RSPO2: variants seen among roughly 807,000 people sequenced by gnomAD.
The protein encoded by RSPO2 is R-spondin-2.
A neutral mutation model predicts 30.9 loss-of-function variants in RSPO2; 14 were observed. The observed-to-expected ratio is 0.45, with a 90% confidence interval of 0.30 to 0.71. The LOEUF (loss-of-function observed/expected upper bound fraction) is 0.71. RSPO2 is among the 30% of genes least tolerant of loss of function. The pLI is 0.08. For synonymous variants in RSPO2, 107 were observed against 96.4 expected (o/e 1.11, Z -0.64); for missense variants, 264 against 301.9 (o/e 0.87, Z 0.93).
intron 2 of RSPO2, among the ~76,000 whole-genome samples, chr8:108,010,043 T>A (rs1460937417): frequency 1.3e-5 from 2 of 151,022 alleles, no homozygotes; most frequent in Non-Finnish European, 3.0e-5. Context: ...AATAAGGCCC[T>A]GTCTCAGAAA....
intron 4 of RSPO2, among the ~76,000 whole-genome samples, chr8:107,959,757 T>C (rs1285514102): frequency 6.6e-6 from 1 of 152,208 alleles, no homozygotes; most frequent in Non-Finnish European, 1.5e-5. Context: ...ATAAAATGTA[T>C]TAACTCACAC....
rs1563540202 is a variant in RSPO2 at position 107,960,874 on chromosome 8, T to TG, written c.284-58_284-57insC. 6 of 1,368,318 alleles carry TG rather than the reference T, an allele frequency of 4.4e-6. No homozygotes were observed. In the African/African-American group the frequency reaches 8.9e-5, roughly 20 times the overall value. The allele number at this position is 1,368,318 out of a possible 1,614,324, so 84.8% of individuals were successfully genotyped here. A position where few individuals can be genotyped will look rare whatever the true frequency, so the allele number is the denominator to read the frequency against. The stretch of plus-strand genomic sequence containing the variant: ...TTTCAGTCAAAGAAATTTACTTGTT[T>TG]TACAAATAAAATTTTTGTAAACTCA... On this transcript the variant is annotated intron_variant, in intron 3 of 5. Coordinates refer to ENST00000276659, the MANE Select transcript of RSPO2 (RefSeq NM_178565.5).
At chr8:107,989,331 T>G (rs541975504) in intron 2 of RSPO2, 87 bp from the exon 3 acceptor site, 1 of 826,752 alleles carries the variant, frequency 1.2e-6, no homozygotes, top group East Asian at 2.9e-5. Flanking sequence ...AAATGTTTCT[T>G]TTCTTTCTGC....
chr8:107,920,986 G>T (rs1311043982), intron 5 of RSPO2, among the ~76,000 whole-genome samples: 1 of 152,022 alleles, frequency 6.6e-6, no homozygotes, highest in East Asian at 1.9e-4. Flanking sequence ...TGTACTTTTT[G>T]ATTCTTTTAA....
At chr8:107,931,763 T>C (rs1812560192) in intron 5 of RSPO2, among the ~76,000 whole-genome samples, 1 of 152,138 alleles carries the variant, frequency 6.6e-6, no homozygotes, top group African/African-American at 2.4e-5. Context: ...AGATATTAAA[T>C]CTTAAGTTCA....
intron 5 of RSPO2, among the ~76,000 whole-genome samples, chr8:107,915,104 G>A (rs1044895342): frequency 6.6e-6 from 1 of 152,116 alleles, no homozygotes; most frequent in African/African-American, 2.4e-5. Flanking sequence ...ATATGTGCAT[G>A]TGTAATCTAA....
At chr8:108,003,297 ATATATATATATATATTTTTTTTT>A (rs1563559039) in intron 2 of RSPO2, among the ~76,000 whole-genome samples, 3 of 23,326 alleles carry the variant, frequency 1.3e-4, no homozygotes, top group African/African-American at 6.0e-4. Context: ...ATATATATAT[ATATATATATATATATTTTTTTTT>A]TTTTTTTTTT....
intron 3 of RSPO2, among the ~76,000 whole-genome samples, chr8:107,972,400 C>A (rs1375462041): frequency 1.3e-5 from 2 of 152,230 alleles, no homozygotes; most frequent in African/African-American, 4.8e-5. Flanking sequence ...CCCTCCTTGG[C>A]CTCCCAAAGT....
chr8:108,067,505 G>T (rs1812707357), intron 2 of RSPO2, among the ~76,000 whole-genome samples: 1 of 152,256 alleles, frequency 6.6e-6, no homozygotes, highest in African/African-American at 2.4e-5. Flanking sequence ...GTCAATATTT[G>T]TTCAGCCTGG....
intron 3 of RSPO2, among the ~76,000 whole-genome samples, chr8:107,969,542 G>A (rs1043912908): frequency 2.0e-5 from 3 of 152,108 alleles, no homozygotes; most frequent in Non-Finnish European, 2.9e-5. Flanking sequence ...GTCAAATAAC[G>A]AGGAACTCTG....
intron 2 of RSPO2, among the ~76,000 whole-genome samples, chr8:108,040,765 G>A (rs952560221): frequency 6.6e-6 from 1 of 152,116 alleles, no homozygotes; most frequent in South Asian, 2.1e-4. Context: ...ATATTGATCT[G>A]GGCAGGAGTG....
intron 2 of RSPO2, among the ~76,000 whole-genome samples, chr8:108,037,158 G>A (rs1004441919): frequency 2.6e-5 from 4 of 152,170 alleles, no homozygotes; most frequent in African/African-American, 9.7e-5. Flanking sequence ...TAAAAGCCAA[G>A]ATAGGTCAAA....
intron 2 of RSPO2, among the ~76,000 whole-genome samples, chr8:108,054,971 A>C (rs949576882): frequency 6.6e-6 from 1 of 151,886 alleles, no homozygotes; most frequent in Non-Finnish European, 1.5e-5. Context: ...CAAAACAACG[A>C]TTAGCCGGGT....
intron 2 of RSPO2, among the ~76,000 whole-genome samples, chr8:108,038,648 A>G (rs1293622943): frequency 6.6e-6 from 1 of 152,070 alleles, no homozygotes; most frequent in African/African-American, 2.4e-5. Context: ...CAGCACCCCA[A>G]CCTTCAGCAA....
chr8:108,044,854 G>C (rs1293727885), intron 2 of RSPO2, among the ~76,000 whole-genome samples: 2 of 152,044 alleles, frequency 1.3e-5, no homozygotes, highest in Non-Finnish European at 2.9e-5. Context: ...AATAAATGAT[G>C]CTGGATAGCT....
chr8:108,069,769 A>G (rs146740685), intron 2 of RSPO2, among the ~76,000 whole-genome samples: 1 of 152,350 alleles, frequency 6.6e-6, no homozygotes, highest in African/African-American at 2.4e-5. Context: ...CAGAGTAGAC[A>G]TCAATCCATT....
chr8:108,051,817 T>C (rs1451454216), intron 2 of RSPO2, among the ~76,000 whole-genome samples: 2 of 152,154 alleles, frequency 1.3e-5, no homozygotes, highest in Non-Finnish European at 2.9e-5. Flanking sequence ...AGTCTGCACT[T>C]TCAATTAAAC....
At chr8:108,049,282 A>G (rs944855743) in intron 2 of RSPO2, among the ~76,000 whole-genome samples, 3 of 152,096 alleles carry the variant, frequency 2.0e-5, no homozygotes, top group Middle Eastern at 3.4e-3. Flanking sequence ...CATCAGCCCA[A>G]CCACACGATA....
chr8:108,009,923 C>T (rs1399264677), intron 2 of RSPO2, among the ~76,000 whole-genome samples: 1 of 149,758 alleles, frequency 6.7e-6, no homozygotes, highest in African/African-American at 2.5e-5. Context: ...GTGGCACACG[C>T]TTGTAGTCCC....
Sources: allele counts gnomAD v4.1 joint callset (sites outside exome capture counted in the v4.1 genomes callset), GRCh38; gene constraint gnomAD v4.1.1; transcripts MANE v1.5; gene names NCBI Gene and HGNC (gene_info 2026-07-23, HGNC 2026-07-21).